Variants in ADAMTS18 observed in about 807,000 individuals in gnomAD.
ADAMTS18 encodes the protein ADAM metallopeptidase with thrombospondin type 1 motif 18.
In ADAMTS18, 157 loss-of-function variants were observed where a neutral mutation model predicts 165.9. That is an observed-to-expected ratio of 0.95 (90% CI 0.83 to 1.08). The LOEUF (loss-of-function observed/expected upper bound fraction) is 1.08. Among genes scored for constraint, ADAMTS18 ranks in the 50% least tolerant of loss-of-function variants. The pLI, the probability that ADAMTS18 is intolerant of heterozygous loss-of-function variation, is 0.00. For missense variants in ADAMTS18, 2,040 were observed against 1,534.0 expected, an observed-to-expected ratio of 1.33 and a Z score of -5.51; for synonymous variants, 782 against 578.2, an observed-to-expected ratio of 1.35 and a Z score of -5.06.
intron 3 of ADAMTS18, among the ~76,000 whole-genome samples, chr16:77,429,921 T>C (rs2057717963): frequency 6.6e-6 from 1 of 152,208 alleles, no homozygotes; most frequent in Admixed American, 6.5e-5. Flanking sequence ...AAGGCATAGT[T>C]AACTCTACTT....
At chr16:77,395,684 G>T (rs2057247787) in intron 3 of ADAMTS18, among the ~76,000 whole-genome samples, 1 of 152,056 alleles carries the variant, frequency 6.6e-6, no homozygotes, top group South Asian at 2.1e-4. Flanking sequence ...GAAGGGCAAA[G>T]ATCACACCTT....
intron 17 of ADAMTS18, among the ~76,000 whole-genome samples, chr16:77,298,494 AC>A (rs1275752836): frequency 1.3e-5 from 2 of 152,164 alleles, no homozygotes; most frequent in Non-Finnish European, 2.9e-5. Context: ...GGAGGCACTT[AC>A]GAAAACCACA....
chr16:77,354,111 G>C (rs1354456117), intron 9 of ADAMTS18, among the ~76,000 whole-genome samples: 1 of 152,144 alleles, frequency 6.6e-6, no homozygotes, highest in African/African-American at 2.4e-5. Context: ...GAAAATTCTA[G>C]TCATCCAAGT....
chr16:77,357,248 T>C (rs2056645444), intron 8 of ADAMTS18, among the ~76,000 whole-genome samples: 1 of 152,090 alleles, frequency 6.6e-6, no homozygotes, highest in Non-Finnish European at 1.5e-5. Flanking sequence ...TTGTGACCCA[T>C]GTCTATAATA....
intron 10 of ADAMTS18, among the ~76,000 whole-genome samples, chr16:77,346,609 T>G (rs1481751363): frequency 1.3e-5 from 2 of 152,162 alleles, no homozygotes; most frequent in African/African-American, 2.4e-5. Flanking sequence ...AACATGCTCA[T>G]GAGAAAATTG....
In ADAMTS18 at chr16:77,284,850, C is replaced by T. The variant is rs557548607; in HGVS notation, c.3551-779G>A. ...TAAGGGAGGGTGTGCTGCTGGTCCA[C>T]GAACTATAATTTCAGGAGCAAGAAG... On this transcript the variant is annotated intron_variant, in intron 22 of 22. Transcript: ENST00000282849. Among the ~76,000 whole-genome samples, 14 of 152,138 alleles carry T rather than the reference C, an allele frequency of 9.2e-5. No individual in the cohort carries two copies. The East Asian group carries it at 2.7e-3, about 30-fold the overall frequency.
chr16:77,365,618 G>T (rs1280406032), intron 4 of ADAMTS18, among the ~76,000 whole-genome samples: 1 of 152,206 alleles, frequency 6.6e-6, no homozygotes, highest in East Asian at 1.9e-4. Context: ...CAGAGACCTA[G>T]AAGTGCCTGC....
intron 3 of ADAMTS18, among the ~76,000 whole-genome samples, chr16:77,410,115 G>C (rs984453071): frequency 6.6e-6 from 1 of 151,880 alleles, no homozygotes; most frequent in Non-Finnish European, 1.5e-5. Flanking sequence ...TTTATAACAT[G>C]GCTCAGTGCA....
At chr16:77,361,236 C>T (rs1222110688) in intron 7 of ADAMTS18, among the ~76,000 whole-genome samples, 3 of 152,172 alleles carry the variant, frequency 2.0e-5, no homozygotes, top group Non-Finnish European at 4.4e-5. Context: ...TATTGACTGT[C>T]TGGCCCTTCA....
intron 13 of ADAMTS18, 48 bp from the exon 14 acceptor site, chr16:77,322,514 G>A: frequency 6.2e-7 from 1 of 1,601,608 alleles, no homozygotes; most frequent in Non-Finnish European, 8.5e-7. Context: ...GGAAACTAAG[G>A]AAAAATGATA....
chr16:77,285,674 T>G (rs1003857645), intron 22 of ADAMTS18, among the ~76,000 whole-genome samples: 7 of 152,222 alleles, frequency 4.6e-5, no homozygotes, highest in Non-Finnish European at 8.8e-5. Context: ...GTGCTTTTTT[T>G]GATTATAATT....
chr16:77,341,862 A>C (rs1319461456), intron 10 of ADAMTS18, 63 bp from the exon 11 acceptor site: 3 of 1,178,144 alleles, frequency 2.5e-6, no homozygotes, highest in Non-Finnish European at 3.7e-6. Flanking sequence ...AAAATATTCA[A>C]AGATGTTGTA....
At chr16:77,288,014 C>T (rs1484350703) in intron 22 of ADAMTS18, among the ~76,000 whole-genome samples, 2 of 152,158 alleles carry the variant, frequency 1.3e-5, no homozygotes, top group Non-Finnish European at 2.9e-5. Context: ...GATCGAGGAC[C>T]TCACAGCACT....
intron 21 of ADAMTS18, chr16:77,290,867 A>AT (rs1275900510): frequency 2.3e-5 from 6 of 256,068 alleles, no homozygotes; most frequent in Non-Finnish European, 3.0e-5. Flanking sequence ...AATATTAGCT[A>AT]TTACATTGTT....
chr16:77,289,784 T>C (rs921084208), intron 21 of ADAMTS18, among the ~76,000 whole-genome samples: 1 of 152,164 alleles, frequency 6.6e-6, no homozygotes, highest in Non-Finnish European at 1.5e-5. Flanking sequence ...TCTGTGCAGC[T>C]GCAGTAGTGG....
chr16:77,402,995 A>G (rs916241628), intron 3 of ADAMTS18, among the ~76,000 whole-genome samples: 1 of 152,254 alleles, frequency 6.6e-6, no homozygotes, highest in Admixed American at 6.5e-5. Flanking sequence ...ATTTTTCACC[A>G]TTACCATAAA....
chr16:77,309,402 T>G (rs1597104638), intron 16 of ADAMTS18, among the ~76,000 whole-genome samples: 1 of 152,220 alleles, frequency 6.6e-6, no homozygotes, highest in South Asian at 2.1e-4. Context: ...CCCTGAGGTA[T>G]ATCCCTTTGA....
intron 12 of ADAMTS18, among the ~76,000 whole-genome samples, chr16:77,332,479 C>A (rs994458439): frequency 1.3e-4 from 20 of 152,170 alleles, no homozygotes; most frequent in African/African-American, 4.3e-4. Context: ...GATGCAATTT[C>A]TAATCCTCCT....
chr16:77,356,218 A>C (rs1429216393), intron 8 of ADAMTS18, 141 bp from the exon 9 acceptor site: 8 of 1,063,380 alleles, frequency 7.5e-6, no homozygotes, highest in Non-Finnish European at 1.1e-5. Flanking sequence ...AGAGAAAGGC[A>C]AATTACTATA....
Sources: gnomAD v4.1 joint callset for allele counts (sites outside exome capture counted in the v4.1 genomes callset) on GRCh38, gnomAD v4.1.1 for gene constraint, MANE v1.5 for transcripts, NCBI Gene and HGNC (gene_info 2026-07-23, HGNC 2026-07-21) for gene names.